CAB39: variants seen among roughly 807,000 people sequenced by gnomAD.
CAB39 encodes the protein calcium-binding protein 39.
A neutral mutation model predicts 40.0 loss-of-function variants in CAB39; 8 were observed. The observed-to-expected ratio is 0.20, with a 90% confidence interval of 0.12 to 0.36. CAB39 has a LOEUF of 0.36. CAB39 is among the 10% of genes least tolerant of loss of function. The pLI, the probability that CAB39 is intolerant of heterozygous loss-of-function variation, is 1.00. For missense variants in CAB39, 270 were observed against 401.1 expected, an observed-to-expected ratio of 0.67 and a Z score of 2.79; for synonymous variants, 156 against 141.6, an observed-to-expected ratio of 1.10 and a Z score of -0.72.
intron 2 of CAB39, among the ~76,000 whole-genome samples, chr2:230,784,117 G>A (rs1407810145): frequency 2.0e-5 from 3 of 152,102 alleles, no homozygotes; most frequent in Non-Finnish European, 2.9e-5. Flanking sequence ...GATGGTAGAC[G>A]GGGATAAATG....
intron 1 of CAB39, among the ~76,000 whole-genome samples, chr2:230,717,118 CTG>C (rs754246600): frequency 1.1e-4 from 17 of 152,036 alleles, no homozygotes; most frequent in Admixed American, 9.8e-4. Context: ...AGAAATGGGA[CTG>C]TGGAAGGTGG....
chr2:230,750,425 A>G (rs2124905497), intron 1 of CAB39, among the ~76,000 whole-genome samples: 1 of 152,302 alleles, frequency 6.6e-6, no homozygotes, highest in African/African-American at 2.4e-5. Flanking sequence ...GAAGCTGACC[A>G]GACGCTGCCA....
chr2:230,814,257 AG>A (rs1438539052), intron 7 of CAB39, 143 bp downstream of exon 7: 1 of 556,156 alleles, frequency 1.8e-6, no homozygotes, highest in Non-Finnish European at 3.2e-6. Context: ...TTTTGCGGAA[AG>A]GAATGGAGTT....
At chr2:230,743,288 A>G (rs1329986212) in intron 1 of CAB39, among the ~76,000 whole-genome samples, 1 of 152,170 alleles carries the variant, frequency 6.6e-6, no homozygotes, top group African/African-American at 2.4e-5. Flanking sequence ...ATGTCTGCAC[A>G]GAAAGGAAGG....
At chr2:230,813,985 T>TTTTTTTG in intron 6 of CAB39, 64 bp from the exon 7 acceptor site, 1 of 295,380 alleles carries the variant, frequency 3.4e-6, no homozygotes, top group Non-Finnish European at 6.2e-6. Context: ...AGTCTTTTTT[T>TTTTTTTG]TTTTTTTTTT....
chr2:230,782,517 T>C (rs1433627477), intron 2 of CAB39, among the ~76,000 whole-genome samples: 1 of 151,890 alleles, frequency 6.6e-6, no homozygotes. Flanking sequence ...TGAGAAAAAA[T>C]ATTCAAGCAA....
Position 230,790,986 on chromosome 2 carries a change from A to C in CAB39, c.229A>C (p.Ser77Arg). The change falls in exon 3 of 9, where the codon AGT (serine) becomes CGT (arginine). Residue 77 changes from serine (S) to arginine (R), a missense_variant. Coordinates refer to ENST00000258418, the MANE Select transcript of CAB39 (RefSeq NM_016289.4). ...TCAACTTGCTCAAGAACTCTATAAT[A>C]GTGGGCTCCTTAGCACCCTGGTAGC... ...VAQLAQELYN[S>R]GLLSTLVADL... 1 of 1,611,948 alleles carries C rather than the reference A, an allele frequency of 6.2e-7. No individual in the cohort carries two copies. The highest frequency in any genetic ancestry group is 2.2e-5 in the East Asian group (1 of 44,858).
At chr2:230,791,973 T>A (rs114393732) in intron 3 of CAB39, among the ~76,000 whole-genome samples, 1 of 152,190 alleles carries the variant, frequency 6.6e-6, no homozygotes, top group African/African-American at 2.4e-5. Flanking sequence ...AGTGAGTGGA[T>A]GTCTGTACAG....
At chr2:230,723,791 T>A (rs1009825136) in intron 1 of CAB39, among the ~76,000 whole-genome samples, 19 of 152,216 alleles carry the variant, frequency 1.2e-4, no homozygotes, top group African/African-American at 4.1e-4. Context: ...ATCTCAAACA[T>A]AGCTGGCTAC....
chr2:230,721,987 G>A (rs1286921240), intron 1 of CAB39, among the ~76,000 whole-genome samples: 1 of 151,432 alleles, frequency 6.6e-6, no homozygotes, highest in Non-Finnish European at 1.5e-5. Context: ...TTACTAATTC[G>A]GATGATAATT....
At chr2:230,722,372 G>C (rs926916199) in intron 1 of CAB39, among the ~76,000 whole-genome samples, 9 of 152,122 alleles carry the variant, frequency 5.9e-5, no homozygotes, top group African/African-American at 1.7e-4. Context: ...GCCCAGGCTG[G>C]CCTCAAACTC....
At chr2:230,780,932 C>T (rs914080934) in intron 2 of CAB39, among the ~76,000 whole-genome samples, 2 of 151,872 alleles carry the variant, frequency 1.3e-5, no homozygotes, top group African/African-American at 2.4e-5. Context: ...AAATTTAAAA[C>T]GTGGTCAGAC....
intron 1 of CAB39, among the ~76,000 whole-genome samples, chr2:230,729,378 T>G (rs2124870578): frequency 6.6e-6 from 1 of 152,316 alleles, no homozygotes; most frequent in South Asian, 2.1e-4. Flanking sequence ...TATTGGAAAC[T>G]GGTGGAATAT....
chr2:230,758,484 T>TA (rs1695232680), intron 1 of CAB39, among the ~76,000 whole-genome samples: 1 of 152,190 alleles, frequency 6.6e-6, no homozygotes, highest in Non-Finnish European at 1.5e-5. Flanking sequence ...AGAAATAACA[T>TA]ACTTGTTTAT....
chr2:230,806,799 T>C (rs1487050061), intron 5 of CAB39, among the ~76,000 whole-genome samples: 3 of 152,228 alleles, frequency 2.0e-5, no homozygotes, highest in African/African-American at 7.2e-5. Flanking sequence ...TTGAGTTTCT[T>C]GTCCTTAGAC....
chr2:230,812,133 A>T (rs945822351), intron 6 of CAB39, among the ~76,000 whole-genome samples: 4 of 152,242 alleles, frequency 2.6e-5, no homozygotes, highest in African/African-American at 9.6e-5. Context: ...CAATTAAAAG[A>T]TGACAGTATT....
At chr2:230,732,382 G>A (rs898179069) in intron 1 of CAB39, among the ~76,000 whole-genome samples, 2 of 152,112 alleles carry the variant, frequency 1.3e-5, no homozygotes, top group African/African-American at 2.4e-5. Context: ...GCGCCCGGCC[G>A]AAATTATCTC....
At chr2:230,750,777 T>C (rs1203828543) in intron 1 of CAB39, among the ~76,000 whole-genome samples, 1 of 152,232 alleles carries the variant, frequency 6.6e-6, no homozygotes, top group Non-Finnish European at 1.5e-5. Flanking sequence ...ATATAATAGA[T>C]ATGCAGATAC....
At position 230,813,978 on chromosome 2, in the gene CAB39, CTTTTTTTTTTTTTTTTTTTTTTT is replaced by C. The variant is rs1160253213; in HGVS notation, c.628-59_628-37del. On this transcript the variant is annotated intron_variant, in intron 6 of 8. Coordinates refer to ENST00000258418, the MANE Select transcript of CAB39 (RefSeq NM_016289.4). ...CTAATTTACAATGTTACCTACCAGT[CTTTTTTTTTTTTTTTTTTTTTTT>C]TTTTTTTTTTTGGCAATAACCCTGA... 2.7e-5 allele frequency: 3 copies of C among 113,104 alleles called. No individual in the cohort carries two copies. In the East Asian group the frequency reaches 1.0e-3, roughly 39 times the overall value. 7.0% of individuals were successfully genotyped at this position (113,104 alleles called of 1,614,324 possible).
Sources: allele counts gnomAD v4.1 joint callset (sites outside exome capture counted in the v4.1 genomes callset), GRCh38; gene constraint gnomAD v4.1.1; transcripts MANE v1.5; gene names NCBI Gene and HGNC (gene_info 2026-07-23, HGNC 2026-07-21).